MAGI2: variants seen among roughly 807,000 people sequenced by gnomAD.
The protein encoded by MAGI2 is membrane-associated guanylate kinase, WW and PDZ domain-containing protein 2.
MAGI2 carries 35 observed loss-of-function variants against 133.3 expected under a neutral mutation model. The ratio of observed to expected loss-of-function variants is 0.26; its 90% CI spans 0.20 to 0.35. The LOEUF (loss-of-function observed/expected upper bound fraction) is 0.35. MAGI2 is among the 10% of genes least tolerant of loss of function. MAGI2 has a pLI of 1.00. For missense variants in MAGI2, 1,636 were observed against 1,863.4 expected (o/e 0.88, Z 2.25); for synonymous variants, 729 against 710.6 (o/e 1.03, Z -0.41).
intron 1 of MAGI2, among the ~76,000 whole-genome samples, chr7:79,107,617 A>T (rs567662068): frequency 6.6e-6 from 1 of 152,360 alleles, no homozygotes; most frequent in East Asian, 1.9e-4. Context: ...CTCATGAATC[A>T]TAATTGTTAA....
At chr7:78,210,967 C>G (rs1203096857) in intron 10 of MAGI2, among the ~76,000 whole-genome samples, 16 of 152,094 alleles carry the variant, frequency 1.1e-4, no homozygotes, top group Admixed American at 1.0e-3. Context: ...GTTGAAGAAG[C>G]AGTGTCATAG....
At chr7:78,249,964 T>C (rs1012301750) in intron 10 of MAGI2, among the ~76,000 whole-genome samples, 1 of 152,078 alleles carries the variant, frequency 6.6e-6, no homozygotes, top group Non-Finnish European at 1.5e-5. Flanking sequence ...CCCATAAATA[T>C]GTATAATTAT....
intron 2 of MAGI2, among the ~76,000 whole-genome samples, chr7:78,830,393 AGT>A (rs1791037633): frequency 1.3e-5 from 2 of 152,122 alleles, no homozygotes; most frequent in African/African-American, 4.8e-5. Flanking sequence ...GGTAATTGCC[AGT>A]CATGATTCAT....
chr7:78,304,925 A>G (rs1798126957), intron 9 of MAGI2, among the ~76,000 whole-genome samples: 1 of 152,238 alleles, frequency 6.6e-6, no homozygotes. Context: ...AAGAGCAGTC[A>G]GGAGACCAGT....
At chr7:78,604,393 C>T (rs62468655) in intron 3 of MAGI2, among the ~76,000 whole-genome samples, 6,017 of 152,254 alleles carry the variant, frequency 0.04, 164 homozygotes, top group East Asian at 0.058. Flanking sequence ...TGAAACTCAT[C>T]TGAAGTGGTT....
intron 2 of MAGI2, among the ~76,000 whole-genome samples, chr7:78,632,944 G>T (rs537167479): frequency 6.6e-6 from 1 of 152,116 alleles, no homozygotes; most frequent in Non-Finnish European, 1.5e-5. Flanking sequence ...ACGTGCACAC[G>T]AATGTTCACT....
intron 2 of MAGI2, among the ~76,000 whole-genome samples, chr7:78,914,997 G>GA (rs1563658414): frequency 6.6e-6 from 1 of 152,164 alleles, no homozygotes; most frequent in East Asian, 1.9e-4. Flanking sequence ...TTCAAATATA[G>GA]AAAAAATGAA....
rs745757512 is a variant in MAGI2, at chr7:78,298,373, TAGTTA to T, written c.1409-41797_1409-41793del. Among the ~76,000 whole-genome samples the T allele has an allele frequency of 2.0e-5, 3 of 152,206 alleles. No individual in the cohort carries two copies. In the East Asian group the frequency reaches 5.8e-4, roughly 29 times the overall value. On this transcript the variant is annotated intron_variant, in intron 9 of 21. Transcript: ENST00000354212. ...ATCTTAATAAAGTATAGACGTTCGT[TAGTTA>T]ATAATACCACATCATTGTTGGTTCA...
At chr7:79,323,261 T>G (rs1839336027) in intron 1 of MAGI2, among the ~76,000 whole-genome samples, 1 of 152,190 alleles carries the variant, frequency 6.6e-6, no homozygotes, top group African/African-American at 2.4e-5. Flanking sequence ...CTCAATGAAC[T>G]TACAGTCAAA....
In MAGI2 at chr7:79,453,092, G is replaced by T; in HGVS notation, c.229C>A (p.Leu77Ile). 1 of 1,613,730 alleles carries T rather than the reference G, an allele frequency of 6.2e-7. No individual in the cohort carries two copies. The highest frequency in any genetic ancestry group is 8.5e-7 in the Non-Finnish European group (1 of 1,179,958). Reference sequence around the variant, plus strand: ...ACGGCCAGCACGTCCCTGATGGTGAGCCCCGCCACGGGGGTCTCGTTCACC... The same window carrying T: ...ACGGCCAGCACGTCCCTGATGGTGATCCCCGCCACGGGGGTCTCGTTCACC... ...LEVNETPVAG[L>I]TIRDVLAVIK... Residue 77 changes from leucine (L) to isoleucine (I), a missense_variant, in exon 1 of 22, where the codon CTC (leucine) becomes ATC (isoleucine). Coordinates refer to ENST00000354212, the MANE Select transcript of MAGI2 (RefSeq NM_012301.4).
Position 78,712,760 on chromosome 7 carries a change from T to C in MAGI2, c.419-85521A>G, listed in dbSNP as rs567800668. ...GGATCTTTAATAACTTCTACTGTTA[T>C]CTGTTTAATTGATGTACAAAAGGCA... is the stretch of plus-strand genomic sequence containing the variant. On this transcript the variant is annotated intron_variant, in intron 2 of 21. Transcript: ENST00000354212. Among the ~76,000 whole-genome samples the C allele has an allele frequency of 6.6e-5, 10 of 152,292 alleles. No individual in the cohort carries two copies. The South Asian group carries it at 1.9e-3, about 28-fold the overall frequency.
intron 3 of MAGI2, among the ~76,000 whole-genome samples, chr7:78,602,262 C>G (rs1034835302): frequency 6.6e-6 from 1 of 152,052 alleles, no homozygotes; most frequent in Non-Finnish European, 1.5e-5. Context: ...CGGGTTCAAG[C>G]GATTCTCCTA....
At chr7:78,050,112 T>C (rs555817641) in intron 21 of MAGI2, among the ~76,000 whole-genome samples, 1 of 152,340 alleles carries the variant, frequency 6.6e-6, no homozygotes, top group African/African-American at 2.4e-5. Context: ...ATTCACCTGG[T>C]AGATGGTCCA....
At chr7:78,800,488 T>A (rs1394377346) in intron 2 of MAGI2, among the ~76,000 whole-genome samples, 1 of 152,136 alleles carries the variant, frequency 6.6e-6, no homozygotes, top group Admixed American at 6.6e-5. Flanking sequence ...CTGACTGCTA[T>A]GTGCCTAAGA....
chr7:78,127,339 G>C lies in MAGI2; in HGVS notation c.3281C>G (p.Pro1094Arg). The C allele has an allele frequency of 6.2e-7, 1 of 1,610,938 alleles. No individual in the cohort carries two copies. The highest frequency in any genetic ancestry group is 1.3e-5 in the African/African-American group (1 of 75,028). The part of the protein sequence containing the change: ...RQPPFTDYRQ[P>R]PLDYRQPPGG... ...TGGGGGTTGCCTGTAATCCAGCGGG[G>C]GCTGCCTGTAGTCTGTGAATGGAGG... The change falls in exon 19 of 22, where the codon CCC becomes CGC. Residue 1094 changes from proline to arginine, a missense_variant. Pro to Arg is a moderately radical substitution (Grantham distance 103). Around this residue, in one of 5 missense-constraint regions of MAGI2, gnomAD observed 920 missense variants for 1,093.5 expected, o/e 0.84. Transcript: ENST00000354212.
chr7:78,592,669 C>G (rs1216284264), intron 3 of MAGI2, among the ~76,000 whole-genome samples: 1 of 151,998 alleles, frequency 6.6e-6, no homozygotes, highest in Non-Finnish European at 1.5e-5. Flanking sequence ...TCTATTTTGT[C>G]TAAGCAATGA....
At chr7:78,612,818 C>T (rs571078740) in intron 3 of MAGI2, among the ~76,000 whole-genome samples, 6 of 151,830 alleles carry the variant, frequency 4.0e-5, no homozygotes, top group Non-Finnish European at 7.4e-5. Context: ...TACAGGCGCC[C>T]GCCACCACGC....
Position 78,714,640 on chromosome 7 carries a change from G to A in MAGI2, c.419-87401C>T, listed in dbSNP as rs192856285. Reference sequence around the variant, plus strand: ...AGGGAGCAGAGTGTGTTTGTTGTACGTTATCTGTATTATTCAAGAACCATG... The same window carrying A: ...AGGGAGCAGAGTGTGTTTGTTGTACATTATCTGTATTATTCAAGAACCATG... On this transcript the variant is annotated intron_variant, in intron 2 of 21. Coordinates refer to ENST00000354212, the MANE Select transcript of MAGI2 (RefSeq NM_012301.4). 2.3e-4 allele frequency among the ~76,000 whole-genome samples: 35 copies of A among 152,266 alleles called. No homozygotes were observed. In the East Asian group the frequency reaches 4.1e-3, roughly 18 times the overall value.
chr7:78,986,430 T>A (rs1325273677), intron 2 of MAGI2, among the ~76,000 whole-genome samples: 2 of 152,062 alleles, frequency 1.3e-5, no homozygotes, highest in Non-Finnish European at 2.9e-5. Flanking sequence ...GATTAGTCTG[T>A]TCCTTCTCAA....
Sources: allele counts gnomAD v4.1 joint callset (sites outside exome capture counted in the v4.1 genomes callset), GRCh38; gene constraint gnomAD v4.1.1; regional missense constraint gnomAD v4.1.1; transcripts MANE v1.5; gene names NCBI Gene and HGNC (gene_info 2026-07-23, HGNC 2026-07-21).